The following ACOX3 variants were observed in gnomAD, a reference collection of about 807,000 sequenced individuals.
The protein encoded by ACOX3 is acyl-CoA oxidase 3, pristanoyl.
Under a neutral mutation model 81.5 loss-of-function variants are expected in ACOX3, and 73 were observed. The ratio of observed to expected loss-of-function variants is 0.90; its 90% confidence interval spans 0.74 to 1.09. ACOX3 has a LOEUF of 1.09. Ranked by LOEUF, ACOX3 falls within the 50% of genes least tolerant of loss-of-function variation. The pLI is 0.00. For missense variants in ACOX3, 947 were observed against 928.0 expected (o/e 1.02, Z -0.27); for synonymous variants, 387 against 375.1 (o/e 1.03, Z -0.37).
downstream of ACOX3, among the ~76,000 whole-genome samples, chr4:8,362,344 G>A (rs548240950): frequency 6.6e-6 from 1 of 152,170 alleles, no homozygotes; most frequent in Non-Finnish European, 1.5e-5. Context: ...CAGAGTCAAG[G>A]AAACTTTTCT....
rs1724313392 is a variant in ACOX3 at position 8,437,337 on chromosome 4, C to CCGGCTCAG, written c.-15+3303_-15+3310dup. 6.6e-6 allele frequency among the ~76,000 whole-genome samples: 1 copy of CCGGCTCAG among 151,910 alleles called. No homozygotes were observed. Among genetic ancestry groups the CCGGCTCAG allele is most frequent in the African/African-American group, 2.4e-5 (1 of 41,366 alleles). ...CACGCCAAGGGTTAAATTCCTCTCC[C>CCGGCTCAG]CGGCTCAGCTCTATCTAGAAAAAAA... On this transcript the variant is annotated intron_variant, in intron 1 of 17. Coordinates refer to ENST00000356406, the MANE Select transcript of ACOX3 (RefSeq NM_003501.3). This position sits in a 1 kb window ranked among gnomAD's most constrained non-coding sequence, Gnocchi z 5.2.
chr4:8,419,871 T>A lies in ACOX3; in HGVS notation c.-14-3336A>T, dbSNP rs1012161979. Among the ~76,000 whole-genome samples, 2 of 152,142 alleles carry A rather than the reference T, an allele frequency of 1.3e-5. No individual in the cohort carries two copies. Among genetic ancestry groups the A allele is most frequent in the Non-Finnish European group, 2.9e-5 (2 of 68,036 alleles). ...ATTACTGGAATTACAAACCCCAGTG[T>A]CATGTTGGAATTCCCCTCTCCATGC... On this transcript the variant is annotated intron_variant, in intron 1 of 17. Coordinates refer to ENST00000356406, the MANE Select transcript of ACOX3 (RefSeq NM_003501.3). This position sits in a 1 kb window ranked among gnomAD's most constrained non-coding sequence, Gnocchi z 4.2.
intron 16 of ACOX3, 109 bp from the exon 17 acceptor site, chr4:8,371,103 C>T: frequency 1.1e-6 from 1 of 948,902 alleles, no homozygotes; most frequent in Non-Finnish European, 1.6e-6. Flanking sequence ...AACGGGTCAC[C>T]TGAGCGGCAC....
chr4:8,420,026 G>A (rs1722760330), intron 1 of ACOX3, among the ~76,000 whole-genome samples: 1 of 152,204 alleles, frequency 6.6e-6, no homozygotes. Flanking sequence ...GTGTGCAGGT[G>A]ACTGTGTTAA....
intron 13 of ACOX3, among the ~76,000 whole-genome samples, chr4:8,387,446 C>T (rs189440007): frequency 1.4e-4 from 21 of 152,348 alleles, no homozygotes; most frequent in South Asian, 4.1e-4. Flanking sequence ...CTACCTGGCC[C>T]GCCGGGACAG....
At chr4:8,421,460 GC>G (rs1219768084) in intron 1 of ACOX3, among the ~76,000 whole-genome samples, 1 of 152,232 alleles carries the variant, frequency 6.6e-6, no homozygotes, top group East Asian at 1.9e-4. Context: ...CAAGATCATG[GC>G]GCAGCCAGAA....
chr4:8,374,660 C>G (rs926641317), intron 15 of ACOX3: 3 of 273,896 alleles, frequency 1.1e-5, no homozygotes, highest in Admixed American at 5.2e-5. Flanking sequence ...TCTGTCTGTG[C>G]CTTATGGGAC....
chr4:8,391,013 G>GTGTATA (rs1264364205), intron 11 of ACOX3, among the ~76,000 whole-genome samples: 1 of 129,144 alleles, frequency 7.7e-6, no homozygotes, highest in African/African-American at 2.8e-5. Context: ...GTATATGTAT[G>GTGTATA]TGTATATGTA....
At position 8,423,062 on chromosome 4, in the gene ACOX3, G is replaced by T. The variant is rs566055954; in HGVS notation, c.-14-6527C>A. 6.6e-6 allele frequency among the ~76,000 whole-genome samples: 1 copy of T among 152,174 alleles called. No homozygotes were observed. The highest frequency in any genetic ancestry group is 2.4e-5 in the African/African-American group (1 of 41,444). On this transcript the variant is annotated intron_variant, in intron 1 of 17. Coordinates refer to ENST00000356406, the MANE Select transcript of ACOX3 (RefSeq NM_003501.3). This position sits in a 1 kb window ranked among gnomAD's most constrained non-coding sequence, Gnocchi z 4.2. The stretch of plus-strand genomic sequence containing the variant: ...ATGCTTGACCATTGGGGGCCAGAAG[G>T]TTAACTGTCTCCTGAACACTGGCAT...
At chr4:8,388,652 C>T (rs953627149) in intron 13 of ACOX3, among the ~76,000 whole-genome samples, 4 of 152,314 alleles carry the variant, frequency 2.6e-5, no homozygotes, top group East Asian at 1.9e-4. Context: ...CCTGGGAGGA[C>T]GCCCCACCCC....
At chr4:8,421,086 C>G (rs1397321986) in intron 1 of ACOX3, among the ~76,000 whole-genome samples, 2 of 152,324 alleles carry the variant, frequency 1.3e-5, no homozygotes, top group South Asian at 2.1e-4. Context: ...AGCGGCCCAC[C>G]ACCATCTTGG....
chr4:8,372,845 A>T (rs1023098240), intron 16 of ACOX3, among the ~76,000 whole-genome samples: 4 of 152,178 alleles, frequency 2.6e-5, no homozygotes, highest in African/African-American at 9.7e-5. Context: ...GTCTCCACGG[A>T]CACAGTGGCC....
rs7686254 is a variant in ACOX3, at chr4:8,370,200, G to T, written c.1983+708C>A. Among the ~76,000 whole-genome samples, 2,982 of 152,348 alleles carry T rather than the reference G, an allele frequency of 0.02. 113 individuals carry two copies. Among genetic ancestry groups the T allele is most frequent in the African/African-American group, 0.069 (2,850 of 41,568 alleles). On this transcript the variant is annotated intron_variant, in intron 17 of 17. Transcript: ENST00000356406. This position sits in a 1 kb window ranked among gnomAD's most constrained non-coding sequence, Gnocchi z 6.3. The stretch of plus-strand genomic sequence containing the variant: ...GCACAAGGCCCTGGGGTGGGCATGG[G>T]CCTGGCGCGACAGACGGGGAGGCCA...
At position 8,415,994 on chromosome 4, in the gene ACOX3, G is replaced by C. The variant is rs760082223; in HGVS notation, c.150C>G (p.Thr50=). 38 of 1,613,748 alleles carry C rather than the reference G, an allele frequency of 2.4e-5. No individual in the cohort carries two copies. Among genetic ancestry groups the C allele is most frequent in the Non-Finnish European group, 3.0e-5 (35 of 1,179,840 alleles). The change falls in exon 3 of 18, where the codon ACC becomes ACG. Residue 50 remains threonine, a synonymous_variant. Coordinates refer to ENST00000356406, the MANE Select transcript of ACOX3 (RefSeq NM_003501.3). ...EGEGMLRFKK[T]IFSALENDPL... ...GGTCATTCTCAAGAGCTGAGAAGAT[G>C]GTTTTCTGGAAATGCAGGAGATGGG...
At chr4:8,418,541 T>A (rs180715741) in intron 1 of ACOX3, among the ~76,000 whole-genome samples, 17 of 149,006 alleles carry the variant, frequency 1.1e-4, no homozygotes, top group African/African-American at 3.2e-4. Context: ...AGGGTTCAAA[T>A]AGACATTTCT....
At position 8,384,462 on chromosome 4, in the gene ACOX3, G is replaced by A. The variant is rs1277380194; in HGVS notation, c.1538-2855C>T. On this transcript the variant is annotated intron_variant, in intron 13 of 17. Transcript: ENST00000356406. This position sits in a 1 kb window ranked among gnomAD's most constrained non-coding sequence, Gnocchi z 5.3. ...CAGTGAATTCTCTTGCTCGGAATGCGGCTGCTGGCGGCCTGAGGACACACC... is the reference window on the plus strand; with the variant it reads ...CAGTGAATTCTCTTGCTCGGAATGCAGCTGCTGGCGGCCTGAGGACACACC... Among the ~76,000 whole-genome samples, 2 of 152,164 alleles carry A rather than the reference G, an allele frequency of 1.3e-5. No homozygotes were observed. The highest frequency in any genetic ancestry group is 6.5e-5 in the Admixed American group (1 of 15,280).
At chr4:8,374,783 C>T (rs1418796379) in intron 15 of ACOX3, 195 bp downstream of exon 15, 11 of 562,480 alleles carry the variant, frequency 2.0e-5, no homozygotes, top group Non-Finnish European at 3.0e-5. Context: ...TTGGGTTTCT[C>T]GGCACCACCC....
downstream of ACOX3, among the ~76,000 whole-genome samples, chr4:8,363,431 C>T (rs968518053): frequency 9.2e-5 from 14 of 152,198 alleles, no homozygotes; most frequent in African/African-American, 3.4e-4. Context: ...GGCTTTCTGG[C>T]TGAGCTCTTC....
At chr4:8,415,407 A>T (rs2631767) in intron 3 of ACOX3, among the ~76,000 whole-genome samples, 79,766 of 151,382 alleles carry the variant, frequency 0.53, 21,124 homozygotes, top group Middle Eastern at 0.59. Context: ...CCTACTTTTT[A>T]AATTTTTTTA....
Sources: gnomAD v4.1 joint callset for allele counts (sites outside exome capture counted in the v4.1 genomes callset) on GRCh38, gnomAD v4.1.1 for gene constraint, Gnocchi (gnomAD v3.1) non-coding constraint, MANE v1.5 for transcripts, NCBI Gene and HGNC (gene_info 2026-07-23, HGNC 2026-07-21) for gene names.